KNTC1: variants seen among roughly 807,000 people sequenced by gnomAD.
KNTC1 encodes kinetochore associated 1, also known as kinetochore-associated protein 1.
A neutral mutation model predicts 314.4 loss-of-function variants in KNTC1; 253 were observed. The observed-to-expected ratio is 0.80, with a 90% CI of 0.73 to 0.89. The LOEUF (loss-of-function observed/expected upper bound fraction) is 0.89, where lower values mean the gene tolerates loss of function less well. KNTC1 is among the 40% of genes least tolerant of loss of function. The probability of loss-of-function intolerance (pLI) is 0.00; values close to 1 mark genes in which losing one functional copy is unlikely to be tolerated. For synonymous variants in KNTC1, 901 were observed against 901.4 expected, an observed-to-expected ratio of 1.00 and a Z score of 0.01; for missense variants, 2,475 against 2,572.9, an observed-to-expected ratio of 0.96 and a Z score of 0.82.
At chr12:122,569,597 A>G in intron 21 of KNTC1, 84 bp from the exon 22 acceptor site, 1 of 1,222,308 alleles carries the variant, frequency 8.2e-7, no homozygotes, top group Non-Finnish European at 1.2e-6. Flanking sequence ...CCTTAAAATG[A>G]CTTCCTAAAA....
chr12:122,598,992 A>C (rs977279493), intron 44 of KNTC1, among the ~76,000 whole-genome samples: 1 of 151,604 alleles, frequency 6.6e-6, no homozygotes, highest in Non-Finnish European at 1.5e-5. Context: ...TTAATTTTTA[A>C]AATTTTTTAA....
chr12:122,594,218 T>G, intron 42 of KNTC1, 58 bp from the exon 43 acceptor site: 1 of 944,224 alleles, frequency 1.1e-6, no homozygotes, highest in African/African-American at 1.6e-5. Flanking sequence ...TTGCCCTTAC[T>G]CTGATACATT....
intron 27 of KNTC1, among the ~76,000 whole-genome samples, 168 bp from the exon 28 acceptor site, chr12:122,575,375 T>C (rs1964945184): frequency 6.6e-6 from 1 of 152,220 alleles, no homozygotes; most frequent in South Asian, 2.1e-4. Context: ...AGTCAAATTG[T>C]TCTCTATATG....
chr12:122,590,560 G>A, intron 40 of KNTC1, 47 bp from the exon 41 acceptor site: 1 of 1,550,392 alleles, frequency 6.4e-7, no homozygotes, highest in East Asian at 2.3e-5. Context: ...AGTTAATTCT[G>A]TTTTGATTGT....
rs752929321 is a variant in KNTC1, at chr12:122,568,327, A to G, written c.1671A>G (p.Lys557=). ...TTAAAGATATTTTTTTACAGCTAAA[A>G]GAAGGAAACCTTGTTTGTGCACAGT... is the stretch of plus-strand genomic sequence containing the variant. ...DDLKDIFLQL[K]EGNLVCAQYL... Residue 557 remains lysine, a synonymous_variant, in exon 21 of 64, where the codon AAA becomes AAG. Coordinates refer to ENST00000333479, the MANE Select transcript of KNTC1 (RefSeq NM_014708.6). 6.2e-7 allele frequency: 1 copy of G among 1,603,496 alleles called. No homozygotes were observed. The highest frequency in any genetic ancestry group is 1.7e-5 in the Admixed American group (1 of 59,618).
Position 122,588,813 on chromosome 12 carries a change from C to A in KNTC1, c.3996C>A (p.His1332Gln). 1 of 1,515,168 alleles carries A rather than the reference C, an allele frequency of 6.6e-7. No homozygotes were observed. Among genetic ancestry groups the A allele is most frequent in the Non-Finnish European group, 8.8e-7 (1 of 1,131,146 alleles). 93.9% of individuals were successfully genotyped at this position (1,515,168 alleles called of 1,614,324 possible). A position where few individuals can be genotyped will look rare whatever the true frequency, so the allele number is the denominator to read the frequency against. Reference sequence around the variant, plus strand: ...GGGAAAATGCTACAACACTACTGCACAAAGTAAGTATTTGTTCTGGGTAAA... The same window carrying A: ...GGGAAAATGCTACAACACTACTGCAAAAAGTAAGTATTTGTTCTGGGTAAA... ...FIRENATTLL[H>Q]KVFNCRLVDL... The change falls in exon 40 of 64, where the codon CAC (histidine) becomes CAA (glutamine). Residue 1332 changes from histidine (H) to glutamine (Q), a missense_variant. His to Gln is a conservative substitution (Grantham distance 24, BLOSUM62 0). Coordinates refer to ENST00000333479, the MANE Select transcript of KNTC1 (RefSeq NM_014708.6).
chr12:122,541,287 G>GCCTGCCTGCCTT (rs758235054), intron 5 of KNTC1, among the ~76,000 whole-genome samples: 308 of 120,970 alleles, frequency 2.5e-3, no homozygotes, highest in East Asian at 9.9e-3. Flanking sequence ...CTGCCTGCCT[G>GCCTGCCTGCCTT]CCTTCCTTCC....
chr12:122,619,861 G>A (rs1408542528), intron 59 of KNTC1, among the ~76,000 whole-genome samples: 2 of 152,018 alleles, frequency 1.3e-5, no homozygotes, highest in African/African-American at 4.8e-5. Context: ...ATCATACAGC[G>A]TTGTCGCATA....
intron 3 of KNTC1, among the ~76,000 whole-genome samples, chr12:122,537,346 A>AT (rs1156957650): frequency 6.6e-6 from 1 of 151,238 alleles, no homozygotes; most frequent in Non-Finnish European, 1.5e-5. Context: ...CTGGCTCTAC[A>AT]TTTTTTTCCC....
intron 44 of KNTC1, among the ~76,000 whole-genome samples, chr12:122,600,754 C>T (rs531726217): frequency 1.4e-4 from 22 of 152,060 alleles, no homozygotes; most frequent in Non-Finnish European, 2.6e-4. Flanking sequence ...CAACCTCCAC[C>T]TCCCAGGTTC....
intron 44 of KNTC1, among the ~76,000 whole-genome samples, chr12:122,599,526 T>C (rs1238031511): frequency 1.3e-5 from 2 of 152,152 alleles, no homozygotes; most frequent in African/African-American, 4.8e-5. Flanking sequence ...TAATTTTTTA[T>C]ATTTAGCAGC....
intron 51 of KNTC1, among the ~76,000 whole-genome samples, chr12:122,608,804 T>C (rs555812036): frequency 1.1e-4 from 17 of 152,170 alleles, no homozygotes; most frequent in Non-Finnish European, 2.1e-4. Flanking sequence ...ATGACTGTAA[T>C]CTCAGCACTT....
In KNTC1 at chr12:122,603,215, C is replaced by T; in HGVS notation, c.5073C>T (p.Ala1691=). Residue 1691 remains alanine, a synonymous_variant, in exon 48 of 64, where the codon GCC becomes GCT. Coordinates refer to ENST00000333479, the MANE Select transcript of KNTC1 (RefSeq NM_014708.6). ...IVNPEWAVAI[A]ISLAQDIPEG... Reference sequence around the variant, plus strand: ...ACCCAGAGTGGGCTGTAGCTATTGCCATCAGCCTTGCCCAGGATATCCCTG... The same window carrying T: ...ACCCAGAGTGGGCTGTAGCTATTGCTATCAGCCTTGCCCAGGATATCCCTG... 3.1e-6 allele frequency: 5 copies of T among 1,612,302 alleles called. No individual in the cohort carries two copies. The highest frequency in any genetic ancestry group is 4.2e-6 in the Non-Finnish European group (5 of 1,179,258).
Position 122,618,404 on chromosome 12 carries a change from C to T in KNTC1, c.6085+7C>T, listed in dbSNP as rs1481359181. 13 of 1,613,294 alleles carry T rather than the reference C, an allele frequency of 8.1e-6. No individual in the cohort carries two copies. Among genetic ancestry groups the T allele is most frequent in the South Asian group, 2.2e-5 (2 of 91,048 alleles). ...CAGATACCACTGCTTTCAGGTATTT[C>T]GCTCTCTGAAACATTGGCTACAGCA... On this transcript the variant is annotated splice_region_variant and intron_variant, in intron 58 of 63. Transcript: ENST00000333479.
intron 18 of KNTC1, among the ~76,000 whole-genome samples, chr12:122,560,713 C>A (rs1963912871): frequency 6.6e-6 from 1 of 152,196 alleles, no homozygotes; most frequent in Non-Finnish European, 1.5e-5. Flanking sequence ...CCATGTTTTC[C>A]ATGGTGACTG....
intron 58 of KNTC1, 34 bp from the exon 59 acceptor site, chr12:122,618,448 G>T: frequency 6.2e-7 from 1 of 1,605,346 alleles, no homozygotes; most frequent in Non-Finnish European, 8.5e-7. Flanking sequence ...TTGAGTGTGT[G>T]TATATCATGG....
chr12:122,530,383 T>TGAA, intron 2 of KNTC1, among the ~76,000 whole-genome samples, 191 bp downstream of exon 2: 1 of 152,254 alleles, frequency 6.6e-6, no homozygotes, highest in Non-Finnish European at 1.5e-5. Flanking sequence ...TTTTCACAAC[T>TGAA]GAAGGATTCT....
chr12:122,536,600 A>C (rs1481888314), intron 3 of KNTC1, among the ~76,000 whole-genome samples: 1 of 148,790 alleles, frequency 6.7e-6, no homozygotes, highest in African/African-American at 2.5e-5. Context: ...GCTCACTGCA[A>C]CCTCCACCTC....
At position 122,618,328 on chromosome 12, in the gene KNTC1, G is replaced by C. The variant is rs1167820737; in HGVS notation, c.6031-15G>C. 6.2e-7 allele frequency: 1 copy of C among 1,612,226 alleles called. No homozygotes were observed. The highest frequency in any genetic ancestry group is 1.7e-5 in the Admixed American group (1 of 59,864). On this transcript the variant is annotated splice_polypyrimidine_tract_variant and intron_variant, in intron 57 of 63. Coordinates refer to ENST00000333479, the MANE Select transcript of KNTC1 (RefSeq NM_014708.6). ...CCTTAACATGAATATCCCAAACGTG[G>C]ACTTGTTTTCACAGGTTCCCTACTT...
Sources: allele counts gnomAD v4.1 joint callset (sites outside exome capture counted in the v4.1 genomes callset), GRCh38; gene constraint gnomAD v4.1.1; transcripts MANE v1.5; gene names NCBI Gene and HGNC (gene_info 2026-07-23, HGNC 2026-07-21).